Variants in NRXN1 observed in about 807,000 individuals in gnomAD.
NRXN1 encodes neurexin 1, also known as neurexin-1.
Under a neutral mutation model 150.9 loss-of-function variants are expected in NRXN1, and 39 were observed. The ratio of observed to expected loss-of-function variants is 0.26; its 90% CI spans 0.20 to 0.34. The LOEUF (loss-of-function observed/expected upper bound fraction) is 0.34. Among genes scored for constraint, NRXN1 ranks in the 10% least tolerant of loss-of-function variants. The probability of loss-of-function intolerance (pLI) is 1.00; values close to 1 mark genes in which losing one functional copy is unlikely to be tolerated. For missense variants in NRXN1, 1,815 were observed against 1,949.9 expected (o/e 0.93, Z 1.30); for synonymous variants, 924 against 757.0 (o/e 1.22, Z -3.62).
chr2:50,439,646 A>AAAAAAATAAAAATAC (rs1159840623), intron 17 of NRXN1, among the ~76,000 whole-genome samples: 9 of 151,990 alleles, frequency 5.9e-5, no homozygotes, highest in African/African-American at 1.9e-4. Context: ...CTCTACTAAA[A>AAAAAAATAAAAATAC]AAAAAATAAA....
intron 2 of NRXN1, among the ~76,000 whole-genome samples, chr2:50,953,452 A>G (rs148511536): frequency 6.6e-6 from 1 of 152,234 alleles, no homozygotes; most frequent in African/African-American, 2.4e-5. Context: ...ATCAGGACAT[A>G]TCAAACACAT....
chr2:50,909,799 G>A (rs1227482914), intron 5 of NRXN1, among the ~76,000 whole-genome samples: 1 of 151,970 alleles, frequency 6.6e-6, no homozygotes, highest in Non-Finnish European at 1.5e-5. Context: ...GGCAAAACAA[G>A]TTAAAAGCAA....
intron 18 of NRXN1, among the ~76,000 whole-genome samples, chr2:50,142,072 A>G (rs1351120782): frequency 2.6e-5 from 4 of 152,048 alleles, no homozygotes. Flanking sequence ...GTCAACAGGT[A>G]AATGGATAAA....
intron 3 of NRXN1, chr2:50,923,343 C>A: frequency 4.0e-6 from 1 of 249,334 alleles, no homozygotes; most frequent in East Asian, 9.6e-5. Context: ...TACACTAAAG[C>A]AATTTTCCTC....
intron 2 of NRXN1, among the ~76,000 whole-genome samples, chr2:51,026,086 A>G (rs1422356344): frequency 2.0e-5 from 3 of 152,194 alleles, no homozygotes; most frequent in Admixed American, 6.5e-5. Flanking sequence ...CTTAAAGTCA[A>G]GTGAGAGAGA....
chr2:50,599,923 C>T (rs1310303166), intron 8 of NRXN1, among the ~76,000 whole-genome samples: 1 of 152,018 alleles, frequency 6.6e-6, no homozygotes, highest in Admixed American at 6.6e-5. Flanking sequence ...TGAAGGAAAG[C>T]AGAATGGCAT....
In NRXN1 at chr2:50,776,633, G is replaced by GATAT. The variant is rs146965004; in HGVS notation, c.832+145232_832+145235dup. On this transcript the variant is annotated intron_variant, in intron 5 of 22. Transcript: ENST00000401669. The stretch of plus-strand genomic sequence containing the variant: ...GCATGTCATACCATACATATAGTGA[G>GATAT]ATATATATATATATATACACATACA... 1.3e-3 allele frequency among the ~76,000 whole-genome samples: 191 copies of GATAT among 142,098 alleles called. 1 individual carries two copies. The highest frequency in any genetic ancestry group is 9.6e-3 in the East Asian group (48 of 4,984). The allele number at this position is 142,098 out of a possible 152,430, so 93.2% of individuals were successfully genotyped here.
At chr2:50,701,953 G>A (rs1292356401) in intron 5 of NRXN1, among the ~76,000 whole-genome samples, 1 of 151,908 alleles carries the variant, frequency 6.6e-6, no homozygotes, top group African/African-American at 2.4e-5. Context: ...TCGTATATTT[G>A]ATAAATATTC....
intron 21 of NRXN1, among the ~76,000 whole-genome samples, chr2:49,998,973 C>G (rs1477592227): frequency 1.3e-5 from 2 of 152,108 alleles, no homozygotes; most frequent in Admixed American, 6.5e-5. Context: ...AAAGCTCAGG[C>G]AAATTACCTT....
At chr2:50,460,547 C>T (rs2088069613) in intron 17 of NRXN1, among the ~76,000 whole-genome samples, 1 of 151,998 alleles carries the variant, frequency 6.6e-6, no homozygotes, top group Admixed American at 6.6e-5. Flanking sequence ...ATAAAAAGAC[C>T]AATGCTTCCA....
chr2:50,284,281 A>C (rs929823741), intron 17 of NRXN1, among the ~76,000 whole-genome samples: 1 of 152,134 alleles, frequency 6.6e-6, no homozygotes, highest in African/African-American at 2.4e-5. Context: ...TGTACCATCT[A>C]CTTGGAATCT....
chr2:50,323,693 G>A (rs1026970077), intron 17 of NRXN1, among the ~76,000 whole-genome samples: 3 of 152,050 alleles, frequency 2.0e-5, no homozygotes, highest in Admixed American at 2.0e-4. Context: ...AAAATGCGAA[G>A]AGTTTGAAAT....
chr2:50,885,655 G>A (rs1242922524), intron 5 of NRXN1, among the ~76,000 whole-genome samples: 1 of 151,382 alleles, frequency 6.6e-6, no homozygotes, highest in African/African-American at 2.4e-5. Flanking sequence ...GAAGCCAGCA[G>A]AGAGCATCAT....
At chr2:50,924,612 G>T (rs1574945964) in intron 3 of NRXN1, among the ~76,000 whole-genome samples, 1 of 151,648 alleles carries the variant, frequency 6.6e-6, no homozygotes, top group Non-Finnish European at 1.5e-5. Context: ...GGCCTGCAGG[G>T]TAATATATCA....
chr2:50,679,194 A>G (rs1689990309), intron 5 of NRXN1, among the ~76,000 whole-genome samples: 1 of 152,104 alleles, frequency 6.6e-6, no homozygotes, highest in Non-Finnish European at 1.5e-5. Flanking sequence ...GGTAGATACT[A>G]AACAATGAGA....
chr2:50,038,265 A>G (rs968630300), intron 21 of NRXN1, among the ~76,000 whole-genome samples: 2 of 152,160 alleles, frequency 1.3e-5, no homozygotes, highest in Admixed American at 6.5e-5. Flanking sequence ...GCCCCTATGT[A>G]ATGTCCTTCG....
At chr2:50,864,674 C>T (rs1402414530) in intron 5 of NRXN1, among the ~76,000 whole-genome samples, 5 of 151,982 alleles carry the variant, frequency 3.3e-5, no homozygotes, top group African/African-American at 7.2e-5. Context: ...CATTAAGATG[C>T]TGTGTGTACT....
intron 5 of NRXN1, among the ~76,000 whole-genome samples, chr2:50,694,428 A>G (rs945426939): frequency 6.6e-6 from 1 of 152,220 alleles, no homozygotes; most frequent in Non-Finnish European, 1.5e-5. Context: ...GCTGTATACT[A>G]TAAAAAACAT....
At chr2:50,278,022 C>A (rs1282572159) in intron 17 of NRXN1, among the ~76,000 whole-genome samples, 1 of 148,972 alleles carries the variant, frequency 6.7e-6, no homozygotes, top group Non-Finnish European at 1.5e-5. Context: ...TGGCCAAAGA[C>A]ATTGACCATA....
Sources: gnomAD v4.1 joint callset for allele counts (sites outside exome capture counted in the v4.1 genomes callset) on GRCh38, gnomAD v4.1.1 for gene constraint, MANE v1.5 for transcripts, NCBI Gene and HGNC (gene_info 2026-07-23, HGNC 2026-07-21) for gene names.